URB1: variants seen among roughly 807,000 people sequenced by gnomAD.
URB1 encodes the protein URB1 ribosome biogenesis factor, also known as nucleolar pre-ribosomal-associated protein 1.
Under a neutral mutation model 242.3 loss-of-function variants are expected in URB1, and 197 were observed. The ratio of observed to expected loss-of-function variants is 0.81; its 90% confidence interval spans 0.72 to 0.91. URB1 has a LOEUF of 0.91. Among genes scored for constraint, URB1 ranks in the 40% least tolerant of loss-of-function variants. The probability of loss-of-function intolerance (pLI) is 0.00; values close to 1 mark genes in which losing one functional copy is unlikely to be tolerated. For synonymous variants in URB1, 1,153 were observed against 1,201.8 expected (o/e 0.96, Z 0.84); for missense variants, 2,721 against 2,860.5 (o/e 0.95, Z 1.11).
chr21:32,353,866 C>T (rs2033186853), intron 18 of URB1, 67 bp downstream of exon 18: 2 of 1,474,742 alleles, frequency 1.4e-6, no homozygotes, highest in Non-Finnish European at 9.0e-7. Context: ...CCCTGGAATC[C>T]CACCTCCCAC....
intron 5 of URB1, 93 bp downstream of exon 5, chr21:32,378,352 G>A (rs1356110249): frequency 1.7e-6 from 2 of 1,187,476 alleles, no homozygotes; most frequent in Non-Finnish European, 2.4e-6. Context: ...CAACTGCAAA[G>A]GCTGCAGACT....
At chr21:32,320,217 G>A (rs759947633) in intron 35 of URB1, among the ~76,000 whole-genome samples, 26 of 152,240 alleles carry the variant, frequency 1.7e-4, no homozygotes, top group Admixed American at 4.6e-4. Context: ...GGGACACCGG[G>A]GAGGAGTCTG....
intron 30 of URB1, among the ~76,000 whole-genome samples, chr21:32,330,635 T>C (rs971359985): frequency 5.9e-5 from 9 of 152,364 alleles, no homozygotes; most frequent in African/African-American, 2.2e-4. Context: ...TCTTGCATTT[T>C]TTTAGAGTAT....
chr21:32,355,827 T>C (rs1445486048), intron 15 of URB1, among the ~76,000 whole-genome samples: 1 of 152,202 alleles, frequency 6.6e-6, no homozygotes, highest in East Asian at 1.9e-4. Context: ...GCCAGGCTGG[T>C]ATCAAACTCC....
intron 18 of URB1, 138 bp downstream of exon 18, chr21:32,353,795 C>A (rs1426739312): frequency 1.9e-6 from 2 of 1,034,616 alleles, no homozygotes; most frequent in Non-Finnish European, 2.7e-6. Flanking sequence ...GGCTGGGTAG[C>A]TATCACTCTG....
chr21:32,352,810 T>C lies in URB1; in HGVS notation c.2513A>G (p.Asp838Gly), dbSNP rs1379782138. ...LALCLLLQAYDKLEPPCLVPC... is the reference protein window; with the variant it reads ...LALCLLLQAYGKLEPPCLVPC... ...CACCAGGCATGGAGGCTCAAGCTTA[T>C]CATATGCCTGGAGCAGGAGACACAG... The change falls in exon 19 of 39, where the codon GAT becomes GGT. Residue 838 changes from aspartate (D) to glycine (G), a missense_variant. Physicochemically the swap from Asp to Gly is moderately conservative, Grantham distance 94. Transcript: ENST00000382751. The C allele has an allele frequency of 1.3e-6, 2 of 1,551,692 alleles. No homozygotes were observed. The highest frequency in any genetic ancestry group is 1.2e-5 in the South Asian group (1 of 84,058).
chr21:32,348,564 CCAA>C (rs1421671791), intron 21 of URB1, among the ~76,000 whole-genome samples: 1 of 152,202 alleles, frequency 6.6e-6, no homozygotes, highest in Non-Finnish European at 1.5e-5. Flanking sequence ...CGATTCCTCG[CCAA>C]CGACACTCCA....
At chr21:32,360,003 G>C in intron 13 of URB1, 95 bp from the exon 14 acceptor site, 3 of 1,150,056 alleles carry the variant, frequency 2.6e-6, no homozygotes, top group Non-Finnish European at 3.7e-6. Context: ...ACTCACCATG[G>C]AGAAAGAAAA....
chr21:32,355,041 G>C (rs980320231), intron 16 of URB1, 44 bp from the exon 17 acceptor site: 5 of 1,512,912 alleles, frequency 3.3e-6, no homozygotes, highest in Admixed American at 4.4e-5. Context: ...GATGGTCACA[G>C]GTGAAATGAA....
chr21:32,319,550 T>C (rs1327028024), intron 35 of URB1, 136 bp from the exon 36 acceptor site: 2 of 915,968 alleles, frequency 2.2e-6, no homozygotes, highest in Non-Finnish European at 3.1e-6. Context: ...GTGCTTGCTA[T>C]ACAAACGCAG....
Position 32,313,700 on chromosome 21 carries a change from CA to C in URB1, c.*1217del, listed in dbSNP as rs1278050294. On this transcript the variant is annotated 3_prime_UTR_variant, in exon 39 of 39. Transcript: ENST00000382751. Reference sequence around the variant, plus strand: ...ACCAAGGCATTGTCAGCACGATGTACATTATACGGCAGATAAAACAGCCACA... The same window carrying C: ...ACCAAGGCATTGTCAGCACGATGTACTTATACGGCAGATAAAACAGCCACA... 1 of 152,188 alleles carries C rather than the reference CA, an allele frequency of 6.6e-6. No individual in the cohort carries two copies. Among genetic ancestry groups the C allele is most frequent in the East Asian group, 1.9e-4 (1 of 5,196 alleles). The allele number at this position is 152,188 out of a possible 1,614,324, so 9.4% of individuals were successfully genotyped here.
At position 32,347,770 on chromosome 21, in the gene URB1, G is replaced by C. The variant is rs2033109569; in HGVS notation, c.3054C>G (p.Thr1018=). The C allele has an allele frequency of 6.5e-7, 1 of 1,548,234 alleles. No homozygotes were observed. The highest frequency in any genetic ancestry group is 1.2e-5 in the South Asian group (1 of 84,028). The change falls in exon 22 of 39, where the codon ACC becomes ACG. Residue 1018 remains threonine (T), a synonymous_variant. Transcript: ENST00000382751. Reference sequence around the variant, plus strand: ...CCAGGGCCAGGAACCAGCCCTCCAGGGTGGGGTGCCTGAGGATGGCCACAA... The same window carrying C: ...CCAGGGCCAGGAACCAGCCCTCCAGCGTGGGGTGCCTGAGGATGGCCACAA... ...EVLVAILRHP[T]LEGWFLALEQ...
chr21:32,368,724 TC>T, intron 8 of URB1, 126 bp from the exon 9 acceptor site: 2 of 817,544 alleles, frequency 2.4e-6, no homozygotes, highest in South Asian at 2.0e-5. Flanking sequence ...GTAGGGAATT[TC>T]CCCCAGGACG....
At chr21:32,328,427 C>T (rs1286127144) in intron 30 of URB1, among the ~76,000 whole-genome samples, 4 of 152,120 alleles carry the variant, frequency 2.6e-5, no homozygotes, top group African/African-American at 4.8e-5. Flanking sequence ...AATGAGTCAC[C>T]GTGCCCAGCC....
Position 32,357,664 on chromosome 21 carries a change from T to A in URB1, c.1870-8A>T. The A allele has an allele frequency of 6.9e-7, 1 of 1,445,640 alleles. No individual in the cohort carries two copies. Among genetic ancestry groups the A allele is most frequent in the Non-Finnish European group, 9.1e-7 (1 of 1,103,128 alleles). The allele number at this position is 1,445,640 out of a possible 1,614,324, so 89.6% of individuals were successfully genotyped here. ...TTCTGCATCTGGGCCTTCCTAGAGT[T>A]TAAACAATATTACGTATTTTTAGTA... On this transcript the variant is annotated splice_polypyrimidine_tract_variant and splice_region_variant and intron_variant, in intron 14 of 38. Coordinates refer to ENST00000382751, the MANE Select transcript of URB1 (RefSeq NM_014825.3).
In URB1 at chr21:32,362,133, G is replaced by C. The variant is rs2033296530; in HGVS notation, c.1510-112C>G. ...ACAGGGAGGGGGGTGCGAGTCTAGA[G>C]GAGTGCGTGTAAGAAGGAGAGGGAA... is the stretch of plus-strand genomic sequence containing the variant. On this transcript the variant is annotated intron_variant, in intron 11 of 38. Coordinates refer to ENST00000382751, the MANE Select transcript of URB1 (RefSeq NM_014825.3). The C allele has an allele frequency of 3.0e-6, 4 of 1,352,562 alleles. No homozygotes were observed. The South Asian group carries it at 4.3e-5, about 15-fold the overall frequency. 83.8% of individuals were successfully genotyped at this position (1,352,562 alleles called of 1,614,324 possible). A position where few individuals can be genotyped will look rare whatever the true frequency, so the allele number is the denominator to read the frequency against.
Position 32,325,276 on chromosome 21 carries a change from C to T in URB1, c.5074G>A (p.Ala1692Thr), listed in dbSNP as rs2123550175. Residue 1692 changes from alanine to threonine, a missense_variant, in exon 31 of 39, where the codon GCC becomes ACC. Ala to Thr is a moderately conservative substitution (Grantham distance 58, BLOSUM62 0). Transcript: ENST00000382751. The part of the protein sequence containing the change: ...MRAIAYHVLA[A>T]YYSHLEGARF... ...GCGCCCTCCAAGTGCGAGTAGTAGG[C>T]CGCCAGGACATGGTAGGCTATGGCT... 2.6e-6 allele frequency: 4 copies of T among 1,551,742 alleles called. No individual in the cohort carries two copies. Among genetic ancestry groups the T allele is most frequent in the East Asian group, 2.4e-5 (1 of 40,924 alleles).
Position 32,355,546 on chromosome 21 carries a change from A to C in URB1, c.2009T>G (p.Val670Gly), listed in dbSNP as rs1194084777. 1 of 1,551,462 alleles carries C rather than the reference A, an allele frequency of 6.4e-7. No individual in the cohort carries two copies. ...CAGCTCCTTCCAGGTGTGCTCAAAC[A>C]CCCCCGTGTCCCGCAGAATCTGCCA... ...LIMKILRDTG[V>G]FEHTWKELEL... The change falls in exon 16 of 39, where the codon GTG becomes GGG. Residue 670 changes from valine (V) to glycine (G), a missense_variant. Val to Gly is a moderately radical substitution (Grantham distance 109, BLOSUM62 -3). Coordinates refer to ENST00000382751, the MANE Select transcript of URB1 (RefSeq NM_014825.3).
chr21:32,361,191 G>GAAAGAAAGAA (rs2033283122), intron 12 of URB1, 68 bp from the exon 13 acceptor site: 1 of 871,874 alleles, frequency 1.1e-6, no homozygotes, highest in Non-Finnish European at 1.7e-6. Flanking sequence ...AAGAAAGAAA[G>GAAAGAAAGAA]AAAGAAAGAA....
Sources: gnomAD v4.1 joint callset for allele counts (sites outside exome capture counted in the v4.1 genomes callset) on GRCh38, gnomAD v4.1.1 for gene constraint, MANE v1.5 for transcripts, NCBI Gene and HGNC (gene_info 2026-07-23, HGNC 2026-07-21) for gene names.